The following HYDIN variants were observed in gnomAD, a reference collection of about 807,000 sequenced individuals.
HYDIN encodes HYDIN axonemal central pair apparatus protein, also known as axonemal central pair apparatus protein HYDIN.
Under a neutral mutation model 403.9 loss-of-function variants are expected in HYDIN, and 132 were observed. The ratio of observed to expected loss-of-function variants is 0.33; its 90% CI spans 0.28 to 0.38. HYDIN has a LOEUF of 0.38. HYDIN is among the 10% of genes least tolerant of loss of function. The pLI is 1.00. For synonymous variants in HYDIN, 1,202 were observed against 1,891.7 expected (o/e 0.64, Z 9.46); for missense variants, 2,827 against 5,009.5 (o/e 0.56, Z 13.15).
chr16:71,093,142 A>T (rs1470800207), intron 11 of HYDIN, among the ~76,000 whole-genome samples: 1 of 152,098 alleles, frequency 6.6e-6, no homozygotes, highest in African/African-American at 2.4e-5. Context: ...AAATACAAAC[A>T]TATACAATGA....
intron 84 of HYDIN, among the ~76,000 whole-genome samples, chr16:70,816,002 G>T (rs973124039): frequency 6.6e-6 from 1 of 151,186 alleles, no homozygotes; most frequent in African/African-American, 2.4e-5. Flanking sequence ...CCAGCTACTC[G>T]GGAGGCTGAG....
intron 75 of HYDIN, among the ~76,000 whole-genome samples, chr16:70,847,824 T>C (rs1047750860): frequency 1.1e-4 from 17 of 152,148 alleles, no homozygotes; most frequent in Admixed American, 5.2e-4. Flanking sequence ...ATTGTTTTCA[T>C]TAAATTTGGG....
chr16:70,808,512 C>T (rs879081819), intron 85 of HYDIN, among the ~76,000 whole-genome samples: 2 of 152,160 alleles, frequency 1.3e-5, no homozygotes, highest in Admixed American at 1.3e-4. Flanking sequence ...CCTTTCACCA[C>T]TCTAATACTG....
intron 1 of HYDIN, among the ~76,000 whole-genome samples, chr16:71,187,189 GC>G (rs2087196408): frequency 6.6e-6 from 1 of 152,000 alleles, no homozygotes; most frequent in Non-Finnish European, 1.5e-5. Flanking sequence ...TCTACATTTT[GC>G]CCCTTTTATC....
chr16:70,875,860 A>C (rs1343899339), intron 62 of HYDIN, among the ~76,000 whole-genome samples: 1 of 152,238 alleles, frequency 6.6e-6, no homozygotes, highest in African/African-American at 2.4e-5. Flanking sequence ...TTGTTAAGAA[A>C]AATGGCAAAA....
In HYDIN at chr16:70,879,434, G is replaced by C; in HGVS notation, c.10420C>G (p.Leu3474Val). ...GGCCGCACAACCGTCACTCGAGGGA[G>C]GTTCCCCTCACCAGCGATGTCAAAC... ...LVFDIAGEGN[L>V]PRVTVVRPVL... The change falls in exon 62 of 86, where the codon CTC becomes GTC. Residue 3474 changes from leucine (L) to valine (V), a missense_variant. Transcript: ENST00000393567. 1 of 1,612,316 alleles carries C rather than the reference G, an allele frequency of 6.2e-7. No individual in the cohort carries two copies. Among genetic ancestry groups the C allele is most frequent in the South Asian group, 1.1e-5 (1 of 90,810 alleles).
At chr16:70,932,248 G>A (rs375105246) in intron 45 of HYDIN, among the ~76,000 whole-genome samples, 28 of 151,010 alleles carry the variant, frequency 1.9e-4, no homozygotes, top group African/African-American at 6.8e-4. Flanking sequence ...CCAGCTACCC[G>A]GGACGCTGAG....
intron 2 of HYDIN, among the ~76,000 whole-genome samples, chr16:71,186,461 A>G (rs1355730120): frequency 6.6e-6 from 1 of 152,172 alleles, no homozygotes; most frequent in African/African-American, 2.4e-5. Context: ...GAACTAAACA[A>G]ATGACAGTTT....
At chr16:70,835,182 G>A (rs1444321692) in intron 78 of HYDIN, among the ~76,000 whole-genome samples, 2 of 151,838 alleles carry the variant, frequency 1.3e-5, no homozygotes, top group Middle Eastern at 3.4e-3. Flanking sequence ...ATTTTTAGTA[G>A]AGACGGGGTT....
intron 43 of HYDIN, among the ~76,000 whole-genome samples, chr16:70,939,646 G>T (rs538712941): frequency 6.6e-6 from 1 of 152,070 alleles, no homozygotes; most frequent in Non-Finnish European, 1.5e-5. Context: ...CCCTTAATAA[G>T]TGGCAGGGAA....
At chr16:71,048,432 G>A (rs531441677) in intron 18 of HYDIN, among the ~76,000 whole-genome samples, 3 of 127,228 alleles carry the variant, frequency 2.4e-5, no homozygotes, top group South Asian at 4.8e-4. Flanking sequence ...TTCAATAGTA[G>A]CTGTACTAAT....
intron 53 of HYDIN, 63 bp from the exon 54 acceptor site, chr16:70,896,143 A>C (rs1413421571): frequency 1.3e-5 from 21 of 1,600,060 alleles, no homozygotes; most frequent in Middle Eastern, 1.7e-4. Context: ...AGCCTGAAAC[A>C]TGTAATATCC....
chr16:70,859,030 A>G (rs766134776), intron 71 of HYDIN, among the ~76,000 whole-genome samples: 13 of 151,690 alleles, frequency 8.6e-5, no homozygotes, highest in South Asian at 4.2e-4. Flanking sequence ...GGTCAGGCGC[A>G]GTGGCTCACA....
At position 70,818,353 on chromosome 16, in the gene HYDIN, C is replaced by T; in HGVS notation, c.14647G>A (p.Ala4883Thr). ...CCAAGGGGCCGTACCTCGGAGTTGG[C>T]AGGCACCACAAACTGGGAGGGCAGG... ...IALPSQFVVPANSEGTFSFEF... is the reference protein window; with the variant it reads ...IALPSQFVVPTNSEGTFSFEF... The change falls in exon 84 of 86, where the codon GCC (alanine) becomes ACC (threonine). Residue 4883 changes from alanine (A) to threonine (T), a missense_variant. Transcript: ENST00000393567. 1.2e-6 allele frequency: 2 copies of T among 1,612,812 alleles called. No homozygotes were observed. Among genetic ancestry groups the T allele is most frequent in the Admixed American group, 3.3e-5 (2 of 59,932 alleles).
Position 70,920,884 on chromosome 16 carries a change from G to C in HYDIN, c.7492C>G (p.Arg2498Gly), listed in dbSNP as rs756835315. The stretch of plus-strand genomic sequence containing the variant: ...CTGCGCCCACCCAAGGGGACCTGGC[G>C]CTGGTCGTCGGGCTCATGGGGCGCT... ...EEAPHEPDDQ[R>G]QVPLGGRRGR... Residue 2498 changes from arginine to glycine, a missense_variant, in exon 46 of 86, where the codon CGC becomes GGC. By Grantham distance (125) the Arg-to-Gly change is moderately radical (BLOSUM62 -2). Coordinates refer to ENST00000393567, the MANE Select transcript of HYDIN (RefSeq NM_001270974.2). The C allele has an allele frequency of 2.5e-6, 4 of 1,610,262 alleles. No homozygotes were observed. The Admixed American group carries it at 6.8e-5, about 27-fold the overall frequency.
At chr16:71,182,495 G>C (rs754772319) in intron 3 of HYDIN, among the ~76,000 whole-genome samples, 4 of 152,086 alleles carry the variant, frequency 2.6e-5, no homozygotes, top group Admixed American at 6.6e-5. Context: ...TGGATCATAA[G>C]ATGTAAAATA....
chr16:71,009,450 T>C (rs535159023), intron 23 of HYDIN, among the ~76,000 whole-genome samples: 4 of 150,934 alleles, frequency 2.7e-5, no homozygotes, highest in Admixed American at 1.3e-4. Context: ...TCTAATGATA[T>C]GGTCATTAAT....
At chr16:71,179,440 T>C (rs1473862628) in intron 3 of HYDIN, among the ~76,000 whole-genome samples, 1 of 151,684 alleles carries the variant, frequency 6.6e-6, no homozygotes, top group Non-Finnish European at 1.5e-5. Context: ...GAAATAAAAA[T>C]TGAAAAATGT....
At chr16:70,826,694 G>A (rs1050046285) in intron 83 of HYDIN, among the ~76,000 whole-genome samples, 19 of 139,896 alleles carry the variant, frequency 1.4e-4, no homozygotes, top group African/African-American at 2.5e-4. Context: ...TGCTGGATGC[G>A]TCTTGCCAGC....
Sources: gnomAD v4.1 joint callset for allele counts (sites outside exome capture counted in the v4.1 genomes callset) on GRCh38, gnomAD v4.1.1 for gene constraint, MANE v1.5 for transcripts, NCBI Gene and HGNC (gene_info 2026-07-23, HGNC 2026-07-21) for gene names.